Variants in TACC1 observed in about 807,000 individuals in gnomAD.
TACC1 encodes the protein transforming acidic coiled-coil-containing protein 1.
In TACC1, 48 loss-of-function variants were observed where a neutral mutation model predicts 84.4. The observed-to-expected ratio is 0.57, with a 90% CI of 0.45 to 0.72. TACC1 has a LOEUF of 0.72. TACC1 is among the 30% of genes least tolerant of loss of function. The probability of loss-of-function intolerance (pLI) is 0.00; values close to 1 mark genes in which losing one functional copy is unlikely to be tolerated. For synonymous variants in TACC1, 372 were observed against 376.3 expected (o/e 0.99, Z 0.13); for missense variants, 920 against 973.0 (o/e 0.95, Z 0.72).
chr8:38,762,759 G>A (rs1211447209), intron 3 of TACC1, among the ~76,000 whole-genome samples: 2 of 152,118 alleles, frequency 1.3e-5, no homozygotes, highest in South Asian at 2.1e-4. Context: ...GTTTTGCCAT[G>A]TTGGCCAGGC....
chr8:38,751,657 G>A (rs891966653), intron 3 of TACC1, among the ~76,000 whole-genome samples: 1 of 152,050 alleles, frequency 6.6e-6, no homozygotes, highest in African/African-American at 2.4e-5. Context: ...ATCAAGGAAT[G>A]TACATTTTTT....
intron 1 of TACC1, chr8:38,728,785 G>T (rs893431600): frequency 1.3e-5 from 2 of 152,270 alleles, no homozygotes; most frequent in Non-Finnish European, 1.5e-5. Context: ...GTATGCGCCG[G>T]GTGGTGGGTG....
At position 38,807,090 on chromosome 8, in the gene TACC1, C is replaced by A. The variant is rs569718493; in HGVS notation, c.278-12432C>A. On this transcript the variant is annotated intron_variant, in intron 2 of 12. Coordinates refer to ENST00000317827, the MANE Select transcript of TACC1 (RefSeq NM_006283.3). ...GGAAGAGCTGGGTGTAAGGAGTGTG[C>A]AGAGCTTCCATGCCCTCTCTGGGAA... is the stretch of plus-strand genomic sequence containing the variant. Among the ~76,000 whole-genome samples the A allele has an allele frequency of 5.9e-5, 9 of 152,278 alleles. 1 individual carries two copies. The East Asian group carries it at 1.7e-3, about 29-fold the overall frequency.
At chr8:38,751,075 G>A (rs1808944122) in intron 3 of TACC1, among the ~76,000 whole-genome samples, 1 of 152,104 alleles carries the variant, frequency 6.6e-6, no homozygotes, top group African/African-American at 2.4e-5. Flanking sequence ...TTTATTCTTT[G>A]ATCTATAAAT....
chr8:38,737,208 G>A (rs1370391522), intron 1 of TACC1, among the ~76,000 whole-genome samples: 1 of 152,098 alleles, frequency 6.6e-6, no homozygotes, highest in Non-Finnish European at 1.5e-5. Context: ...CTTCTCCTCC[G>A]TGCCTCCCTA....
Position 38,849,643 on chromosome 8 carries a change from C to T in TACC1, c.*1620C>T, listed in dbSNP as rs1832836861. On this transcript the variant is annotated 3_prime_UTR_variant, in exon 13 of 13. Transcript: ENST00000317827. ...ACTCACATGGGTGCAATCTTTAGCC[C>T]CAGGGAGGTCAATAATGTCTTTTAA... 6.6e-6 allele frequency: 1 copy of T among 152,290 alleles called. No individual in the cohort carries two copies. Among genetic ancestry groups the T allele is most frequent in the Non-Finnish European group, 1.5e-5 (1 of 68,010 alleles). 9.4% of individuals were successfully genotyped at this position (152,290 alleles called of 1,614,324 possible). A position where few individuals can be genotyped will look rare whatever the true frequency, so the allele number is the denominator to read the frequency against.
intron 2 of TACC1, among the ~76,000 whole-genome samples, chr8:38,808,592 T>A (rs905129884): frequency 6.8e-4 from 103 of 152,204 alleles, no homozygotes; most frequent in Non-Finnish European, 5.0e-4. Context: ...TACTTTTATT[T>A]TTTGTAGAGA....
At chr8:38,748,116 G>A (rs1808393302) in intron 3 of TACC1, among the ~76,000 whole-genome samples, 1 of 152,034 alleles carries the variant, frequency 6.6e-6, no homozygotes, top group Non-Finnish European at 1.5e-5. Context: ...TAGATGGATA[G>A]AAAAAGATAT....
intron 3 of TACC1, among the ~76,000 whole-genome samples, chr8:38,822,565 T>A (rs1588003725): frequency 6.6e-6 from 1 of 152,344 alleles, no homozygotes; most frequent in Admixed American, 6.5e-5. Flanking sequence ...AAGTTTAGCT[T>A]ACTGTAACTT....
chr8:38,785,968 T>C (rs961215685), upstream of TACC1: 1 of 152,428 alleles, frequency 6.6e-6, no homozygotes, highest in African/African-American at 2.4e-5. Flanking sequence ...CCAAGCCTTA[T>C]CTTGTATTTT....
In TACC1 at chr8:38,820,237, A is replaced by G. The variant is rs113533989; in HGVS notation, c.993A>G (p.Ile331Met). Residue 331 changes from isoleucine (I) to methionine (M), a missense_variant, in exon 3 of 13, where the codon ATA becomes ATG. By Grantham distance (10) the Ile-to-Met change is conservative. This residue lies in a region of TACC1 where 762 missense variants were observed against 747.3 expected (regional missense o/e 1.02). Transcript: ENST00000317827. ...EFDFTEDTGNIEARKALPRKL... is the reference protein window; with the variant it reads ...EFDFTEDTGNMEARKALPRKL... Reference sequence around the variant, plus strand: ...ATTTCACAGAAGATACAGGAAACATAGAGGCCAGGAAAGCCCTTCCAAGGA... The same window carrying G: ...ATTTCACAGAAGATACAGGAAACATGGAGGCCAGGAAAGCCCTTCCAAGGA... The G allele has an allele frequency of 2.5e-6, 4 of 1,614,052 alleles. No individual in the cohort carries two copies. The highest frequency in any genetic ancestry group is 2.5e-6 in the Non-Finnish European group (3 of 1,180,034).
At chr8:38,731,408 C>T (rs372331842) in intron 1 of TACC1, among the ~76,000 whole-genome samples, 1 of 152,130 alleles carries the variant, frequency 6.6e-6, no homozygotes, top group Non-Finnish European at 1.5e-5. Flanking sequence ...AATAACAGTA[C>T]CTATTTCACA....
intron 2 of TACC1, among the ~76,000 whole-genome samples, chr8:38,808,740 A>G (rs982456216): frequency 6.6e-6 from 1 of 152,224 alleles, no homozygotes; most frequent in African/African-American, 2.4e-5. Flanking sequence ...AGCACTAGGT[A>G]TATGGGGTTA....
intron 2 of TACC1, among the ~76,000 whole-genome samples, chr8:38,806,540 G>A (rs1739388113): frequency 6.6e-6 from 1 of 152,060 alleles, no homozygotes. Flanking sequence ...TGTCTTGGGA[G>A]GAGAAAGAGG....
rs17854119 is a variant in TACC1 at position 38,819,835 on chromosome 8, A to G, written c.591A>G (p.Thr197=). The G allele has an allele frequency of 6.2e-7, 1 of 1,613,952 alleles. No homozygotes were observed. Among genetic ancestry groups the G allele is most frequent in the East Asian group, 2.2e-5 (1 of 44,878 alleles). The part of the protein sequence containing the change: ...PPDALQDEAM[T]EGSMGVTLEA... ...ACGCCCTCCAGGACGAGGCGATGAC[A>G]GAAGGCAGCATGGGGGTCACCCTCG... Residue 197 remains threonine (T), a synonymous_variant, in exon 3 of 13, where the codon ACA becomes ACG. Coordinates refer to ENST00000317827, the MANE Select transcript of TACC1 (RefSeq NM_006283.3).
chr8:38,840,847 C>T (rs182848065), intron 9 of TACC1, among the ~76,000 whole-genome samples: 48 of 152,078 alleles, frequency 3.2e-4, no homozygotes, highest in Non-Finnish European at 5.1e-4. Flanking sequence ...GTTGAGAGTT[C>T]GAAAACAGCC....
upstream of TACC1, among the ~76,000 whole-genome samples, chr8:38,785,078 A>G (rs967437227): frequency 5.2e-5 from 7 of 135,202 alleles, no homozygotes; most frequent in Non-Finnish European, 7.7e-5. Flanking sequence ...CCCTGTAGAC[A>G]CTTGAGCTAA....
intron 1 of TACC1, among the ~76,000 whole-genome samples, chr8:38,732,527 A>G (rs981353859): frequency 1.3e-5 from 2 of 152,232 alleles, no homozygotes; most frequent in Non-Finnish European, 1.5e-5. Flanking sequence ...GATTACATGT[A>G]TAATGATCTT....
At chr8:38,772,473 T>C (rs963264940) in intron 3 of TACC1, among the ~76,000 whole-genome samples, 1 of 152,154 alleles carries the variant, frequency 6.6e-6, no homozygotes. Context: ...CCGTTAAATA[T>C]CCCTCCATGG....
Sources: allele counts gnomAD v4.1 joint callset (sites outside exome capture counted in the v4.1 genomes callset), GRCh38; gene constraint gnomAD v4.1.1; regional missense constraint gnomAD v4.1.1; transcripts MANE v1.5; gene names NCBI Gene and HGNC (gene_info 2026-07-23, HGNC 2026-07-21).